PDE1C: variants seen among roughly 807,000 people sequenced by gnomAD.
The protein encoded by PDE1C is phosphodiesterase 1C.
In PDE1C, 62 loss-of-function variants were observed where a neutral mutation model predicts 93.1. That is an observed-to-expected ratio of 0.67 (90% CI 0.54 to 0.82). The LOEUF is 0.82. PDE1C is among the 40% of genes least tolerant of loss of function. The pLI is 0.00. For missense variants in PDE1C, 742 were observed against 884.6 expected (o/e 0.84, Z 2.04); for synonymous variants, 325 against 310.1 (o/e 1.05, Z -0.50).
the PDE1C span, among the ~76,000 whole-genome samples, chr7:31,715,180 T>A: frequency 2.6e-4 from 40 of 152,202 alleles, no homozygotes; most frequent in African/African-American, 9.4e-4. Flanking sequence ...CTATTAACAA[T>A]ATGTATTATT....
At chr7:31,710,298 G>A in the PDE1C span, among the ~76,000 whole-genome samples, 8 of 152,146 alleles carry the variant, frequency 5.3e-5, no homozygotes, top group Non-Finnish European at 1.0e-4. Context: ...AGGAACCCAG[G>A]CTACCTGAAA....
intron 2 of PDE1C, among the ~76,000 whole-genome samples, chr7:31,982,480 T>C (rs1812512420): frequency 6.6e-6 from 1 of 152,136 alleles, no homozygotes; most frequent in African/African-American, 2.4e-5. Context: ...GTAAATCCAA[T>C]TTACACAAGA....
exon 1 of PDE1C, chr7:32,298,900 A>G: frequency 1.5e-6 from 2 of 1,363,580 alleles, no homozygotes; most frequent in South Asian, 3.5e-5. Flanking sequence ...CCTGGAGACA[A>G]CAGCGGGGAC....
intron 2 of PDE1C, among the ~76,000 whole-genome samples, chr7:31,934,922 G>T (rs983072376): frequency 6.6e-6 from 1 of 152,092 alleles, no homozygotes; most frequent in African/African-American, 2.4e-5. Context: ...ATTTCATGGG[G>T]AGAAAATGGA....
intron 1 of PDE1C, among the ~76,000 whole-genome samples, chr7:32,232,808 G>C (rs1344023921): frequency 6.6e-6 from 1 of 152,154 alleles, no homozygotes; most frequent in Non-Finnish European, 1.5e-5. Flanking sequence ...GATCTGAGTA[G>C]CACAGAAAGG....
intron 1 of PDE1C, among the ~76,000 whole-genome samples, chr7:32,237,320 C>T (rs1015859028): frequency 1.3e-4 from 20 of 151,682 alleles, no homozygotes; most frequent in African/African-American, 3.6e-4. Flanking sequence ...ATCTCCTGAC[C>T]TCGTGATCCG....
intron 11 of PDE1C, among the ~76,000 whole-genome samples, chr7:31,835,049 C>T (rs1200158646): frequency 1.3e-5 from 2 of 152,014 alleles, no homozygotes; most frequent in Non-Finnish European, 2.9e-5. Flanking sequence ...GGAAAAATCC[C>T]TTTCACTTGG....
rs1783927949 is a variant in PDE1C at position 31,989,755 on chromosome 7, G to A, written c.128+61799C>T. Among the ~76,000 whole-genome samples the A allele has an allele frequency of 2.0e-5, 3 of 152,314 alleles. No homozygotes were observed. The South Asian group carries it at 6.2e-4, about 32-fold the overall frequency. On this transcript the variant is annotated intron_variant, in intron 2 of 17. Transcript: ENST00000396191. ...CTGGCTACGATAACTGCGGTGACTAGCTGTGTCTATGTCTCAGCTTTCTCC... is the reference window on the plus strand; with the variant it reads ...CTGGCTACGATAACTGCGGTGACTAACTGTGTCTATGTCTCAGCTTTCTCC...
At chr7:32,277,576 C>A (rs1159986824) in intron 1 of PDE1C, among the ~76,000 whole-genome samples, 1 of 152,168 alleles carries the variant, frequency 6.6e-6, no homozygotes, top group Non-Finnish European at 1.5e-5. Context: ...GAGCAACTGA[C>A]AGGACTAAAT....
At chr7:32,180,693 T>C (rs1161630799) in intron 2 of PDE1C, among the ~76,000 whole-genome samples, 2 of 152,238 alleles carry the variant, frequency 1.3e-5, no homozygotes, top group Non-Finnish European at 2.9e-5. Flanking sequence ...AGGTATTTTA[T>C]TATAGCAACA....
At chr7:32,038,360 C>A (rs1791383364) in intron 2 of PDE1C, among the ~76,000 whole-genome samples, 1 of 151,970 alleles carries the variant, frequency 6.6e-6, no homozygotes, top group Non-Finnish European at 1.5e-5. Flanking sequence ...CTGAGGGAGG[C>A]CAAGTTTTGC....
chr7:32,386,445 T>C (rs900037022), intron 1 of PDE1C, among the ~76,000 whole-genome samples: 11 of 69,584 alleles, frequency 1.6e-4, no homozygotes, highest in Non-Finnish European at 3.1e-4. Context: ...TACAATATCA[T>C]TCTTAACAGT....
chr7:31,886,881 G>GAATAGATCTATTCGGATCTATTCA (rs1583793857), intron 2 of PDE1C, among the ~76,000 whole-genome samples: 330 of 14,590 alleles, frequency 0.023, no homozygotes, highest in Non-Finnish European at 0.027. Flanking sequence ...GATCTATTCA[G>GAATAGATCTATTCGGATCTATTCA]GGGCGTGTCA....
chr7:31,978,603 T>A (rs902132411), intron 2 of PDE1C, among the ~76,000 whole-genome samples: 5 of 151,874 alleles, frequency 3.3e-5, no homozygotes, highest in Admixed American at 2.0e-4. Flanking sequence ...TCAGGTGGAG[T>A]GGAAGGAAGC....
At chr7:32,203,888 G>C (rs1471116207) in intron 2 of PDE1C, among the ~76,000 whole-genome samples, 1 of 151,990 alleles carries the variant, frequency 6.6e-6, no homozygotes, top group Admixed American at 6.5e-5. Context: ...TAGAAAATTC[G>C]CTCTCCCTGT....
At chr7:32,368,577 C>T (rs1029178872) in intron 1 of PDE1C, among the ~76,000 whole-genome samples, 6 of 152,162 alleles carry the variant, frequency 3.9e-5, no homozygotes, top group Admixed American at 3.9e-4. Flanking sequence ...GACCATAGTA[C>T]TCAAAGCAAT....
At chr7:32,324,074 A>G (rs1435418169) in intron 1 of PDE1C, among the ~76,000 whole-genome samples, 3 of 152,240 alleles carry the variant, frequency 2.0e-5, no homozygotes, top group Non-Finnish European at 4.4e-5. Flanking sequence ...AATGGTTGAA[A>G]AAAATTAAAT....
the PDE1C span, among the ~76,000 whole-genome samples, chr7:31,721,441 T>A: frequency 3.9e-5 from 6 of 152,196 alleles, no homozygotes. Flanking sequence ...AGGTTTAATT[T>A]ATTTAATTAA....
chr7:31,661,428 T>C, the PDE1C span, among the ~76,000 whole-genome samples: 22 of 152,112 alleles, frequency 1.4e-4, no homozygotes, highest in African/African-American at 2.4e-4. Flanking sequence ...ATTGGGAATA[T>C]TGGGCCAGGC....
Sources: gnomAD v4.1 joint callset for allele counts (sites outside exome capture counted in the v4.1 genomes callset) on GRCh38, gnomAD v4.1.1 for gene constraint, MANE v1.5 for transcripts, NCBI Gene and HGNC (gene_info 2026-07-23, HGNC 2026-07-21) for gene names.